Variants in ARVCF observed in about 807,000 individuals in gnomAD.
ARVCF encodes the protein splicing regulator ARVCF.
ARVCF carries 66 observed loss-of-function variants against 90.9 expected under a neutral mutation model. The ratio of observed to expected loss-of-function variants is 0.73; its 90% CI spans 0.60 to 0.89. The LOEUF (loss-of-function observed/expected upper bound fraction) is 0.89, where lower values mean the gene tolerates loss of function less well. Ranked by LOEUF, ARVCF falls within the 40% of genes least tolerant of loss-of-function variation. The probability of loss-of-function intolerance (pLI) is 0.00; values close to 1 mark genes in which losing one functional copy is unlikely to be tolerated. For missense variants in ARVCF, 1,469 were observed against 1,382.3 expected (o/e 1.06, Z -1.00); for synonymous variants, 653 against 603.4 (o/e 1.08, Z -1.21).
At position 19,977,463 on chromosome 22, in the gene ARVCF, G is replaced by A. The variant is rs199498113; in HGVS notation, c.1822C>T (p.Arg608Cys). ...GPLGSAVGSQ[R>C]RRRDDASCFG... ...CAGCTGGCATCATCCCGCCTCCGGC[G>A]CTGGGAGCCTACAGCACTGCCCAGG... The change falls in exon 9 of 20, where the codon CGC becomes TGC. Residue 608 changes from arginine to cysteine, a missense_variant. Arg to Cys is a radical substitution (Grantham distance 180). Coordinates refer to ENST00000263207, the MANE Select transcript of ARVCF (RefSeq NM_001670.3). 9.1e-4 allele frequency: 1,435 copies of A among 1,569,134 alleles called. 12 individuals are homozygous for A. The Middle Eastern group carries it at 0.018, about 20-fold the overall frequency.
intron 7 of ARVCF, 68 bp downstream of exon 7, chr22:19,978,829 C>A: frequency 6.5e-7 from 1 of 1,532,710 alleles, no homozygotes; most frequent in Non-Finnish European, 8.8e-7. Flanking sequence ...CCATCTTCCA[C>A]ACTATCTGGG....
Position 19,979,753 on chromosome 22 carries a change from C to T in ARVCF, c.1386G>A (p.Glu462=), listed in dbSNP as rs1197794301. The change falls in exon 6 of 20, where the codon GAG becomes GAA. Residue 462 remains glutamate (E), a synonymous_variant. Coordinates refer to ENST00000263207, the MANE Select transcript of ARVCF (RefSeq NM_001670.3). ...LRAARDNEVR[E]LVTGTLWNLS... is the part of the protein sequence containing the mutation. Reference sequence around the variant, plus strand: ...CCAGGTCCCACTCACCAGTGACAAGCTCACGGACCTCGTTGTCCCGGGCAG... The same window carrying T: ...CCAGGTCCCACTCACCAGTGACAAGTTCACGGACCTCGTTGTCCCGGGCAG... The T allele has an allele frequency of 6.3e-7, 1 of 1,598,702 alleles. No individual in the cohort carries two copies. The highest frequency in any genetic ancestry group is 8.5e-7 in the Non-Finnish European group (1 of 1,170,312).
chr22:19,974,965 A>AC (rs1943067697), intron 11 of ARVCF, among the ~76,000 whole-genome samples: 1 of 151,928 alleles, frequency 6.6e-6, no homozygotes, highest in East Asian at 1.9e-4. Flanking sequence ...CTTGGGTACT[A>AC]CCTCGATCTC....
chr22:19,983,958 T>A (rs1943632980), intron 3 of ARVCF, among the ~76,000 whole-genome samples: 1 of 152,198 alleles, frequency 6.6e-6, no homozygotes. Flanking sequence ...GGCCCATCAC[T>A]GCTGGGGCTG....
chr22:19,980,650 G>A lies in ARVCF; in HGVS notation c.897-408C>T, dbSNP rs1026296752. 3.4e-5 allele frequency: 7 copies of A among 206,872 alleles called. No individual in the cohort carries two copies. In the Admixed American group the frequency reaches 3.8e-4, roughly 11 times the overall value. 12.8% of individuals were successfully genotyped at this position (206,872 alleles called of 1,614,324 possible). A position where few individuals can be genotyped will look rare whatever the true frequency, so the allele number is the denominator to read the frequency against. On this transcript the variant is annotated intron_variant, in intron 5 of 19. Transcript: ENST00000263207. ...CCATCTCTGGCTGTGCCAGGATGTA[G>A]GGGGAGTAAATGGCCCTCTCCGCAT...
intron 6 of ARVCF, 189 bp from the exon 7 acceptor site, chr22:19,979,269 A>G (rs575741080): frequency 3.1e-6 from 2 of 647,522 alleles, no homozygotes; most frequent in African/African-American, 3.7e-5. Flanking sequence ...AGGAGCCCCA[A>G]AGGGGAGGAG....
intron 1 of ARVCF, among the ~76,000 whole-genome samples, chr22:20,016,065 G>A (rs1175127367): frequency 6.6e-6 from 1 of 152,170 alleles, no homozygotes; most frequent in Non-Finnish European, 1.5e-5. Flanking sequence ...TCCGGGTGGC[G>A]CGCCCTCTCT....
chr22:19,986,981 G>T, intron 3 of ARVCF: 1 of 630,452 alleles, frequency 1.6e-6, no homozygotes, highest in Non-Finnish European at 2.9e-6. Flanking sequence ...GCGGCTCCGC[G>T]GAACAAAAGC....
intron 1 of ARVCF, among the ~76,000 whole-genome samples, chr22:20,010,761 A>G (rs1477803674): frequency 6.6e-6 from 1 of 152,324 alleles, no homozygotes; most frequent in South Asian, 2.1e-4. Flanking sequence ...ACCATCCTTC[A>G]GAAACGTGAT....
intron 3 of ARVCF, among the ~76,000 whole-genome samples, chr22:19,990,307 C>T (rs1943976521): frequency 6.6e-6 from 1 of 152,340 alleles, no homozygotes; most frequent in African/African-American, 2.4e-5. Flanking sequence ...GACCAAAGAG[C>T]TGCCCAGAAC....
intron 2 of ARVCF, among the ~76,000 whole-genome samples, chr22:20,008,925 A>AG (rs1338696769): frequency 1.3e-5 from 2 of 152,028 alleles, no homozygotes; most frequent in Non-Finnish European, 2.9e-5. Flanking sequence ...CAAGAACTGG[A>AG]GGGGGGAGGG....
chr22:19,980,138 C>A lies in ARVCF; in HGVS notation c.1001G>T (p.Gly334Val). Residue 334 changes from glycine to valine, a missense_variant, in exon 6 of 20, where the codon GGC becomes GTC. Physicochemically the swap from Gly to Val is moderately radical, Grantham distance 109 (BLOSUM62 -3). Coordinates refer to ENST00000263207, the MANE Select transcript of ARVCF (RefSeq NM_001670.3). ...PLAQPERGSMGSLDRLVRRSP... is the reference protein window; with the variant it reads ...PLAQPERGSMVSLDRLVRRSP... ...GCGCCGCACCAGCCGGTCCAGGCTG[C>A]CCATGCTGCCCCGTTCAGGCTGGGC... is the stretch of plus-strand genomic sequence containing the variant. 1 of 1,591,956 alleles carries A rather than the reference C, an allele frequency of 6.3e-7. No individual in the cohort carries two copies. The highest frequency in any genetic ancestry group is 8.5e-7 in the Non-Finnish European group (1 of 1,171,986).
intron 2 of ARVCF, among the ~76,000 whole-genome samples, chr22:19,992,825 G>C (rs1375755532): frequency 6.6e-6 from 1 of 152,126 alleles, no homozygotes; most frequent in Non-Finnish European, 1.5e-5. Context: ...CAGACCCTGC[G>C]GACAGCTTCC....
chr22:19,992,243 C>T (rs1347394348), intron 2 of ARVCF, among the ~76,000 whole-genome samples: 2 of 152,332 alleles, frequency 1.3e-5, no homozygotes, highest in East Asian at 3.9e-4. Context: ...GCACCTGTCC[C>T]ACAAATGAAA....
At chr22:19,982,890 A>C (rs994881915) in intron 3 of ARVCF, among the ~76,000 whole-genome samples, 5 of 152,232 alleles carry the variant, frequency 3.3e-5, no homozygotes, top group Non-Finnish European at 5.9e-5. Context: ...ACCATTCTGC[A>C]TGGGGTGACG....
rs371704171 is a variant in ARVCF, at chr22:19,971,290, C to T, written c.2827G>A (p.Ala943Thr). ...CCTACGGCGTCCACCAGCCTGACCG[C>T]GGGCCTGCTGGGCCCGGGGGGAGGG... ...KAPPPGPSRP[A>T]VRLVDAVGDA... The change falls in exon 19 of 20, where the codon GCG becomes ACG. Residue 943 changes from alanine to threonine, a missense_variant. Transcript: ENST00000263207. 22 of 1,557,086 alleles carry T rather than the reference C, an allele frequency of 1.4e-5. No individual in the cohort carries two copies. Among genetic ancestry groups the T allele is most frequent in the Middle Eastern group, 1.7e-4 (1 of 5,996 alleles).
chr22:19,988,336 G>A (rs575606292), intron 3 of ARVCF, among the ~76,000 whole-genome samples: 2 of 152,362 alleles, frequency 1.3e-5, no homozygotes, highest in Admixed American at 1.3e-4. Flanking sequence ...CTGGAGCAGA[G>A]CGCAGAAGAC....
rs375865872 is a variant in ARVCF, at chr22:19,981,613, C to T, written c.494G>A (p.Arg165Gln). Residue 165 changes from arginine to glutamine, a missense_variant, in exon 5 of 20, where the codon CGG becomes CAG. Arg to Gln is a conservative substitution (Grantham distance 43). Coordinates refer to ENST00000263207, the MANE Select transcript of ARVCF (RefSeq NM_001670.3). ...GCCACCACCACGCAGCAGGAAATGC[C>T]GGTCCAGGGCACCATCTGCAAAAGG... ...LGPFADGALDRHFLLRGGGPV... is the reference protein window; with the variant it reads ...LGPFADGALDQHFLLRGGGPV... 233 of 1,607,854 alleles carry T rather than the reference C, an allele frequency of 1.4e-4. No homozygotes were observed. Among genetic ancestry groups the T allele is most frequent in the African/African-American group, 7.1e-4 (53 of 75,010 alleles).
chr22:19,985,049 G>C (rs1943693237), intron 3 of ARVCF, among the ~76,000 whole-genome samples: 1 of 152,146 alleles, frequency 6.6e-6, no homozygotes, highest in African/African-American at 2.4e-5. Context: ...CACCTGCCCA[G>C]GCTGGCCCAC....
Sources: gnomAD v4.1 joint callset for allele counts (sites outside exome capture counted in the v4.1 genomes callset) on GRCh38, gnomAD v4.1.1 for gene constraint, MANE v1.5 for transcripts, NCBI Gene and HGNC (gene_info 2026-07-23, HGNC 2026-07-21) for gene names.